IL19: variants seen among roughly 807,000 people sequenced by gnomAD.
IL19 encodes the protein interleukin-19.
Under a neutral mutation model 19.5 loss-of-function variants are expected in IL19, and 15 were observed. The ratio of observed to expected loss-of-function variants is 0.77; its 90% CI spans 0.52 to 1.19. The LOEUF is 1.19. IL19 is among the 50% of genes most tolerant of loss of function. The pLI is 0.00. For synonymous variants in IL19, 78 were observed against 78.3 expected (o/e 1.00, Z 0.02); for missense variants, 199 against 213.1 (o/e 0.93, Z 0.41).
At chr1:206,777,754 G>A (rs925967303) in intron 1 of IL19, among the ~76,000 whole-genome samples, 2 of 152,234 alleles carry the variant, frequency 1.3e-5, no homozygotes, top group South Asian at 2.1e-4. Context: ...ACTCCTATTT[G>A]CCATTAGTAG....
Position 206,841,027 on chromosome 1 carries a change from C to A in IL19, c.387C>A (p.Cys129Ter). The A allele has an allele frequency of 1.2e-6, 2 of 1,614,050 alleles. No individual in the cohort carries two copies. Among genetic ancestry groups the A allele is most frequent in the Non-Finnish European group, 1.7e-6 (2 of 1,179,916 alleles). ...AGCAGGAACAGAGGCAGTGTCACTG[C>A]AGGCAGGAAGCCACCAATGCCACCA... ...RQCQEQRQCH[C>*]RQEATNATRV... Residue 129 changes from cysteine (C) to a stop codon, truncating the protein, a stop_gained, in exon 6 of 7, where the codon TGC becomes TGA. Coordinates refer to ENST00000659997, the MANE Select transcript of IL19 (RefSeq NM_153758.5). LOFTEE classifies it high-confidence loss of function.
chr1:206,832,467 C>T (rs373915032), intron 2 of IL19, among the ~76,000 whole-genome samples: 2 of 152,194 alleles, frequency 1.3e-5, no homozygotes, highest in South Asian at 2.1e-4. Flanking sequence ...GCATGGTAAC[C>T]TTTCTGAGCA....
At chr1:206,818,059 CG>C (rs1676207461) in intron 2 of IL19, among the ~76,000 whole-genome samples, 1 of 152,096 alleles carries the variant, frequency 6.6e-6, no homozygotes, top group Non-Finnish European at 1.5e-5. Flanking sequence ...CCACCACGCC[CG>C]GCCAATTATG....
chr1:206,820,197 C>T (rs1676260081), intron 2 of IL19, among the ~76,000 whole-genome samples: 1 of 152,166 alleles, frequency 6.6e-6, no homozygotes, highest in African/African-American at 2.4e-5. Flanking sequence ...TATGGCCCCC[C>T]TAAACTTCAT....
chr1:206,806,630 A>T (rs1406471904), intron 2 of IL19, among the ~76,000 whole-genome samples: 1 of 152,226 alleles, frequency 6.6e-6, no homozygotes, highest in Non-Finnish European at 1.5e-5. Flanking sequence ...GCAAGCCAGT[A>T]AAAAATGTAT....
chr1:206,831,925 G>GCCTGAGCACAAGGGGTGAATGTGGGGTGA (rs1676620013), intron 2 of IL19, among the ~76,000 whole-genome samples: 1 of 152,232 alleles, frequency 6.6e-6, no homozygotes, highest in African/African-American at 2.4e-5. Flanking sequence ...AGAACATATA[G>GCCTGAGCACAAGGGGTGAATGTGGGGTGA]CCTGAGCACA....
In IL19 at chr1:206,798,680, T is replaced by C. The variant is rs559034689; in HGVS notation, c.-148-181T>C. ...AGCGCACCGAGAAACACCACTGTCC[T>C]CCTGGAGCTCTCCCACACAATACAG... On this transcript the variant is annotated intron_variant, in intron 1 of 6. Transcript: ENST00000659997. 1.1e-4 allele frequency among the ~76,000 whole-genome samples: 17 copies of C among 151,976 alleles called. No homozygotes were observed. In the South Asian group the frequency reaches 3.5e-3, roughly 32 times the overall value.
chr1:206,816,672 C>A (rs1676165367), intron 2 of IL19, among the ~76,000 whole-genome samples: 1 of 152,014 alleles, frequency 6.6e-6, no homozygotes, highest in African/African-American at 2.4e-5. Flanking sequence ...AGGATAGCCC[C>A]AAACCTAGCC....
intron 1 of IL19, among the ~76,000 whole-genome samples, chr1:206,776,431 T>G (rs1465300208): frequency 6.6e-6 from 1 of 151,414 alleles, no homozygotes; most frequent in African/African-American, 2.4e-5. Context: ...TGCTGGGGTG[T>G]GTGTGTGTGT....
At chr1:206,803,266 C>T (rs531932530) in intron 2 of IL19, among the ~76,000 whole-genome samples, 3 of 152,184 alleles carry the variant, frequency 2.0e-5, no homozygotes, top group South Asian at 2.1e-4. Context: ...GCCAGGAAGT[C>T]GGGGTTGGAT....
intron 2 of IL19, among the ~76,000 whole-genome samples, chr1:206,801,360 A>C (rs1675703737): frequency 6.6e-6 from 1 of 152,116 alleles, no homozygotes; most frequent in Non-Finnish European, 1.5e-5. Context: ...ATGTGCCTGG[A>C]GGCGGGGGGT....
At chr1:206,840,253 A>T in intron 5 of IL19, 1 of 646,406 alleles carries the variant, frequency 1.5e-6, no homozygotes, top group Non-Finnish European at 2.9e-6. Context: ...TTATGTCAAC[A>T]TATTCCTTAG....
At chr1:206,813,632 T>C in intron 2 of IL19, among the ~76,000 whole-genome samples, 1 of 152,244 alleles carries the variant, frequency 6.6e-6, no homozygotes, top group East Asian at 1.9e-4. Flanking sequence ...ACCTTTTCTC[T>C]TTGCCTCTTG....
chr1:206,822,894 AG>A (rs1365703252), intron 2 of IL19, among the ~76,000 whole-genome samples: 1 of 151,688 alleles, frequency 6.6e-6, no homozygotes, highest in Non-Finnish European at 1.5e-5. Flanking sequence ...GTTAGGGTCT[AG>A]GGTTATATTT....
chr1:206,811,033 C>A (rs569400887), intron 2 of IL19, among the ~76,000 whole-genome samples: 2 of 152,164 alleles, frequency 1.3e-5, no homozygotes, highest in Non-Finnish European at 2.9e-5. Flanking sequence ...TGCAGAACTG[C>A]GAGCCAAAAT....
At chr1:206,795,827 C>G (rs978545115) in intron 1 of IL19, among the ~76,000 whole-genome samples, 1 of 152,000 alleles carries the variant, frequency 6.6e-6, no homozygotes, top group African/African-American at 2.4e-5. Flanking sequence ...TATTAACAGC[C>G]TTAAAACTCA....
Position 206,842,697 on chromosome 1 carries a change from A to C in IL19, c.*75A>C. 1 of 874,678 alleles carries C rather than the reference A, an allele frequency of 1.1e-6. No individual in the cohort carries two copies. The highest frequency in any genetic ancestry group is 1.8e-6 in the Non-Finnish European group (1 of 549,976). 54.2% of individuals were successfully genotyped at this position (874,678 alleles called of 1,614,324 possible). A position where few individuals can be genotyped will look rare whatever the true frequency, so the allele number is the denominator to read the frequency against. On this transcript the variant is annotated 3_prime_UTR_variant, in exon 7 of 7. Coordinates refer to ENST00000659997, the MANE Select transcript of IL19 (RefSeq NM_153758.5). ...TTACTGTGGGAGACAGCCCACCTTG[A>C]AGGGGAAGGAGATGGGGAAGGCCCC...
At chr1:206,772,204 T>C in intron 1 of IL19, 2 of 1,429,474 alleles carry the variant, frequency 1.4e-6, no homozygotes, top group Non-Finnish European at 2.0e-6. Flanking sequence ...GTTCTTATAG[T>C]TCCAGGAGAA....
intron 2 of IL19, among the ~76,000 whole-genome samples, chr1:206,810,634 A>T (rs1467939258): frequency 6.6e-6 from 1 of 152,200 alleles, no homozygotes; most frequent in Non-Finnish European, 1.5e-5. Flanking sequence ...AATAGAAATG[A>T]TGAGACTCCC....
Sources: gnomAD v4.1 joint callset for allele counts (sites outside exome capture counted in the v4.1 genomes callset) on GRCh38, gnomAD v4.1.1 for gene constraint, MANE v1.5 for transcripts, NCBI Gene and HGNC (gene_info 2026-07-23, HGNC 2026-07-21) for gene names.